The following IL23R variants were observed in gnomAD, a reference collection of about 807,000 sequenced individuals.
The protein encoded by IL23R is interleukin-23 receptor.
A neutral mutation model predicts 56.9 loss-of-function variants in IL23R; 34 were observed. The observed-to-expected ratio is 0.60, with a 90% CI of 0.45 to 0.80. The LOEUF (loss-of-function observed/expected upper bound fraction) is 0.80. Ranked by LOEUF, IL23R falls within the 30% of genes least tolerant of loss-of-function variation. The probability of loss-of-function intolerance (pLI) is 0.00; values close to 1 mark genes in which losing one functional copy is unlikely to be tolerated. For synonymous variants in IL23R, 230 were observed against 249.2 expected (o/e 0.92, Z 0.73); for missense variants, 635 against 730.0 (o/e 0.87, Z 1.50).
At chr1:67,179,986 G>C (rs879971027) in intron 3 of IL23R, among the ~76,000 whole-genome samples, 12 of 152,186 alleles carry the variant, frequency 7.9e-5, no homozygotes, top group African/African-American at 2.9e-4. Flanking sequence ...CTGAGAGACA[G>C]TTTGTTAGAA....
At chr1:67,207,661 C>A (rs1481361706) in intron 6 of IL23R, 10 of 391,864 alleles carry the variant, frequency 2.6e-5, no homozygotes, top group African/African-American at 1.3e-4. Context: ...CTTTTGCCTC[C>A]CACCATGATT....
At chr1:67,248,327 T>C (rs1652379440) in intron 9 of IL23R, among the ~76,000 whole-genome samples, 1 of 152,336 alleles carries the variant, frequency 6.6e-6, no homozygotes, top group Non-Finnish European at 1.5e-5. Flanking sequence ...CATTCTTTTT[T>C]CTCTGATCTT....
At chr1:67,212,597 G>A (rs1046370483) in intron 6 of IL23R, among the ~76,000 whole-genome samples, 1 of 150,846 alleles carries the variant, frequency 6.6e-6, no homozygotes, top group African/African-American at 2.4e-5. Context: ...CCAGGCTGGA[G>A]CGCAGTGGCG....
chr1:67,256,105 C>T (rs752873708), intron 10 of IL23R, among the ~76,000 whole-genome samples, 178 bp downstream of exon 10: 1 of 152,050 alleles, frequency 6.6e-6, no homozygotes, highest in Non-Finnish European at 1.5e-5. Context: ...AGAGATGAGA[C>T]AATAGAGTTG....
chr1:67,159,257 A>C (rs934711181), intron 1 of IL23R, among the ~76,000 whole-genome samples: 2 of 150,372 alleles, frequency 1.3e-5, no homozygotes, highest in Non-Finnish European at 3.0e-5. Flanking sequence ...ATTGATAGTG[A>C]GACTATCACT....
intron 5 of IL23R, among the ~76,000 whole-genome samples, chr1:67,203,629 C>T (rs558038668): frequency 6.6e-6 from 1 of 152,272 alleles, no homozygotes; most frequent in African/African-American, 2.4e-5. Flanking sequence ...CCCCAGCCAA[C>T]AAAACCACCA....
At chr1:67,185,496 C>T (rs745722461) in intron 4 of IL23R, among the ~76,000 whole-genome samples, 27 of 152,082 alleles carry the variant, frequency 1.8e-4, no homozygotes, top group Non-Finnish European at 3.4e-4. Flanking sequence ...GGCTGGAGTG[C>T]AGTGGCACAA....
chr1:67,200,256 A>G (rs1465169015), intron 4 of IL23R, among the ~76,000 whole-genome samples: 1 of 151,740 alleles, frequency 6.6e-6, no homozygotes, highest in Non-Finnish European at 1.5e-5. Flanking sequence ...GTTAGCCAGG[A>G]TAGTCTCGAT....
intron 9 of IL23R, among the ~76,000 whole-genome samples, chr1:67,241,851 A>G (rs1183203965): frequency 6.6e-6 from 1 of 152,204 alleles, no homozygotes; most frequent in Non-Finnish European, 1.5e-5. Flanking sequence ...AAATAGATCA[A>G]AGAATGAGCT....
At chr1:67,240,398 G>C in intron 9 of IL23R, 117 bp downstream of exon 9, 2 of 713,134 alleles carry the variant, frequency 2.8e-6, no homozygotes, top group Non-Finnish European at 5.0e-6. Context: ...TTCAGATAAA[G>C]GAAAATAAAA....
At chr1:67,169,056 G>A (rs986574166) in intron 2 of IL23R, among the ~76,000 whole-genome samples, 4 of 148,460 alleles carry the variant, frequency 2.7e-5, no homozygotes, top group Admixed American at 6.9e-5. Flanking sequence ...CAGGAGAATC[G>A]CTTGAACCTG....
upstream of IL23R, among the ~76,000 whole-genome samples, chr1:67,164,161 G>C (rs1646848623): frequency 6.6e-6 from 1 of 152,062 alleles, no homozygotes; most frequent in Non-Finnish European, 1.5e-5. Context: ...TGACTCAATA[G>C]CAAAAACAAA....
At chr1:67,262,736 T>C (rs1653230481), downstream of IL23R, among the ~76,000 whole-genome samples, 1 of 152,158 alleles carries the variant, frequency 6.6e-6, no homozygotes, top group South Asian at 2.1e-4. Flanking sequence ...TCTCTGAGTC[T>C]CACAATCTTT....
rs551271668 is a variant in IL23R at position 67,233,050 on chromosome 1, A to T, written c.956-3663A>T. On this transcript the variant is annotated intron_variant, in intron 7 of 10. Coordinates refer to ENST00000347310, the MANE Select transcript of IL23R (RefSeq NM_144701.3). ...TGAGTCAATTAAAATTCTCTTCTTT[A>T]TAAATTTCCCAGTTTTGTCCAGGTG... 2.0e-5 allele frequency among the ~76,000 whole-genome samples: 3 copies of T among 151,860 alleles called. No homozygotes were observed. In the South Asian group the frequency reaches 6.3e-4, roughly 32 times the overall value.
chr1:67,224,141 G>C (rs1650471333), intron 7 of IL23R, among the ~76,000 whole-genome samples: 1 of 152,080 alleles, frequency 6.6e-6, no homozygotes. Flanking sequence ...TTTCCTTCTG[G>C]AGAAGACACA....
intron 1 of IL23R, among the ~76,000 whole-genome samples, chr1:67,147,899 A>T (rs1050454833): frequency 6.6e-6 from 1 of 151,844 alleles, no homozygotes; most frequent in Admixed American, 6.6e-5. Flanking sequence ...TAGAGCTCCC[A>T]AGATGGGGTA....
intron 3 of IL23R, among the ~76,000 whole-genome samples, chr1:67,176,182 T>C (rs1647005372): frequency 6.6e-6 from 1 of 152,102 alleles, no homozygotes; most frequent in Admixed American, 6.6e-5. Flanking sequence ...TAAATGCATA[T>C]GGGAAATGAA....
In IL23R at chr1:67,228,073, CTTTCTTTCTTT is replaced by C. The variant is rs1264084852; in HGVS notation, c.955+8345_955+8355del. On this transcript the variant is annotated intron_variant, in intron 7 of 10. Coordinates refer to ENST00000347310, the MANE Select transcript of IL23R (RefSeq NM_144701.3). The stretch of plus-strand genomic sequence containing the variant: ...TCTTTCTTTCTTTCTCTGTCTCTCT[CTTTCTTTCTTT>C]TCTTTCTTTCTTTCTTTCTTTCTCT... Among the ~76,000 whole-genome samples the C allele has an allele frequency of 1.3e-4, 10 of 78,684 alleles. 1 individual carries two copies. Among genetic ancestry groups the C allele is most frequent in the Admixed American group, 1.0e-3 (6 of 5,886 alleles). 51.6% of individuals were successfully genotyped at this position (78,684 alleles called of 152,430 possible). A position where few individuals can be genotyped will look rare whatever the true frequency, so the allele number is the denominator to read the frequency against.
At chr1:67,229,886 A>G (rs1650984739) in intron 7 of IL23R, among the ~76,000 whole-genome samples, 1 of 152,172 alleles carries the variant, frequency 6.6e-6, no homozygotes, top group Non-Finnish European at 1.5e-5. Context: ...AGTTTTTACT[A>G]GTCAGGATGA....
Sources: allele counts gnomAD v4.1 joint callset (sites outside exome capture counted in the v4.1 genomes callset), GRCh38; gene constraint gnomAD v4.1.1; transcripts MANE v1.5; gene names NCBI Gene and HGNC (gene_info 2026-07-23, HGNC 2026-07-21).